The following TANC1 variants were observed in gnomAD, a reference collection of about 807,000 sequenced individuals.
TANC1 encodes the protein tetratricopeptide repeat, ankyrin repeat and coiled-coil containing 1, also known as protein TANC1.
A neutral mutation model predicts 149.7 loss-of-function variants in TANC1; 77 were observed. That is an observed-to-expected ratio of 0.51 (90% CI 0.43 to 0.62). TANC1 has a LOEUF of 0.62. Among genes scored for constraint, TANC1 ranks in the 20% least tolerant of loss-of-function variants. TANC1 has a pLI of 0.00. For synonymous variants in TANC1, 854 were observed against 925.0 expected (o/e 0.92, Z 1.39); for missense variants, 1,985 against 2,321.8 (o/e 0.85, Z 2.98).
At chr2:159,140,597 CT>C (rs2051249809) in intron 5 of TANC1, among the ~76,000 whole-genome samples, 1 of 151,900 alleles carries the variant, frequency 6.6e-6, no homozygotes, top group African/African-American at 2.4e-5. Context: ...GATTAGAGAC[CT>C]GTATATGGCG....
chr2:158,984,206 C>G (rs1278522783), intron 1 of TANC1, among the ~76,000 whole-genome samples: 1 of 152,162 alleles, frequency 6.6e-6, no homozygotes, highest in Non-Finnish European at 1.5e-5. Flanking sequence ...AAATGTTTTG[C>G]TTCAACAAAA....
In TANC1 at chr2:159,138,228, G is replaced by A. The variant is rs182925979; in HGVS notation, c.364+1930G>A. Among the ~76,000 whole-genome samples the A allele has an allele frequency of 1.5e-4, 23 of 152,198 alleles. 1 individual carries two copies. The highest frequency in any genetic ancestry group is 3.4e-3 in the Middle Eastern group (1 of 294). The stretch of plus-strand genomic sequence containing the variant: ...ATACAGGACCAGACATTTCGGTTTC[G>A]CCTGAAATTAAGAAGCAGGGTATGT... On this transcript the variant is annotated intron_variant, in intron 5 of 26. Coordinates refer to ENST00000263635, the MANE Select transcript of TANC1 (RefSeq NM_033394.3).
intron 2 of TANC1, among the ~76,000 whole-genome samples, chr2:159,057,210 C>T (rs1160055821): frequency 6.6e-6 from 1 of 152,220 alleles, no homozygotes; most frequent in Non-Finnish European, 1.5e-5. Flanking sequence ...CCACCATGCC[C>T]AGCCAGCTGT....
intron 2 of TANC1, among the ~76,000 whole-genome samples, chr2:159,024,750 C>CAAA (rs199510154): frequency 1.6e-4 from 19 of 119,030 alleles, no homozygotes; most frequent in African/African-American, 5.6e-4. Context: ...GACTTCATCT[C>CAAA]AAAAAAAAAA....
At chr2:159,173,711 G>A (rs1180687302) in intron 11 of TANC1, among the ~76,000 whole-genome samples, 1 of 152,196 alleles carries the variant, frequency 6.6e-6, no homozygotes, top group Non-Finnish European at 1.5e-5. Flanking sequence ...ATCTCATGAT[G>A]GTTTGCACAA....
chr2:159,017,747 A>G lies in TANC1; in HGVS notation c.-16+16558A>G, dbSNP rs1014554213. Among the ~76,000 whole-genome samples the G allele has an allele frequency of 5.9e-5, 9 of 152,128 alleles. No individual in the cohort carries two copies. The East Asian group carries it at 7.7e-4, about 13-fold the overall frequency. Reference sequence around the variant, plus strand: ...GGGGAAGGAGAGCATTAGGACAAATACCTAATGCACGCGGGACTTCAAACC... The same window carrying G: ...GGGGAAGGAGAGCATTAGGACAAATGCCTAATGCACGCGGGACTTCAAACC... On this transcript the variant is annotated intron_variant, in intron 2 of 26. Transcript: ENST00000263635.
At position 159,016,332 on chromosome 2, in the gene TANC1, A is replaced by G. The variant is rs112034993; in HGVS notation, c.-16+15143A>G. ...ATGGGGGAACGACCCCCATGATTCA[A>G]TTATCTCCCACTGAGTCTCTCCCAC... is the stretch of plus-strand genomic sequence containing the variant. On this transcript the variant is annotated intron_variant, in intron 2 of 26. Transcript: ENST00000263635. Among the ~76,000 whole-genome samples the G allele has an allele frequency of 4.6e-5, 7 of 152,332 alleles. 1 individual carries two copies. The highest frequency in any genetic ancestry group is 1.4e-4 in the African/African-American group (6 of 41,580).
At chr2:159,122,355 G>A (rs1257132943) in intron 4 of TANC1, among the ~76,000 whole-genome samples, 2 of 152,062 alleles carry the variant, frequency 1.3e-5, no homozygotes, top group Admixed American at 6.6e-5. Context: ...GTTTACCCAG[G>A]ATTTGAGACT....
At chr2:158,988,144 G>A (rs2035217558) in intron 1 of TANC1, among the ~76,000 whole-genome samples, 2 of 151,776 alleles carry the variant, frequency 1.3e-5, no homozygotes, top group African/African-American at 2.4e-5. Context: ...CCAACATGGT[G>A]AAACCCCCGT....
At chr2:159,057,381 G>T (rs865793629) in intron 2 of TANC1, among the ~76,000 whole-genome samples, 4 of 152,202 alleles carry the variant, frequency 2.6e-5, no homozygotes, top group South Asian at 4.1e-4. Context: ...TCTGTCAGTT[G>T]TACTTGCCTT....
At chr2:159,191,497 G>A (rs966802643) in intron 16 of TANC1, among the ~76,000 whole-genome samples, 1 of 152,118 alleles carries the variant, frequency 6.6e-6, no homozygotes. Context: ...AGACCATGAG[G>A]CCGGCCCTGC....
chr2:159,071,683 A>G (rs2043167191), intron 3 of TANC1, among the ~76,000 whole-genome samples: 1 of 152,216 alleles, frequency 6.6e-6, no homozygotes, highest in African/African-American at 2.4e-5. Context: ...CTCAATACAA[A>G]TGATGCTTTG....
chr2:159,137,050 A>G (rs2050840499), intron 5 of TANC1, among the ~76,000 whole-genome samples: 2 of 152,302 alleles, frequency 1.3e-5, no homozygotes, highest in African/African-American at 4.8e-5. Context: ...ACATGGGACT[A>G]GGAATCTTGC....
chr2:159,196,853 T>C (rs1214125708), intron 18 of TANC1, 60 bp downstream of exon 18: 2 of 1,486,102 alleles, frequency 1.3e-6, no homozygotes, highest in Admixed American at 2.2e-5. Flanking sequence ...GCAAGTCAGT[T>C]GACACACTGA....
chr2:159,076,225 T>C (rs2043659077), intron 3 of TANC1, among the ~76,000 whole-genome samples: 1 of 152,224 alleles, frequency 6.6e-6, no homozygotes. Context: ...AAATTTTCTA[T>C]ATGACTTATC....
At chr2:159,200,241 G>A (rs2058148414) in intron 19 of TANC1, among the ~76,000 whole-genome samples, 1 of 152,182 alleles carries the variant, frequency 6.6e-6, no homozygotes. Context: ...CCAAACCCCT[G>A]TTCTTTCATT....
chr2:159,082,082 G>T (rs903603906), intron 3 of TANC1, among the ~76,000 whole-genome samples: 2 of 152,236 alleles, frequency 1.3e-5, no homozygotes, highest in African/African-American at 4.8e-5. Context: ...CCATCTGGGG[G>T]TGCCCTGCTC....
intron 4 of TANC1, among the ~76,000 whole-genome samples, chr2:159,101,717 CT>C (rs1454348264): frequency 2.0e-5 from 3 of 152,104 alleles, no homozygotes; most frequent in Non-Finnish European, 4.4e-5. Context: ...AAGAGAAAAG[CT>C]CATTTCCTGT....
intron 4 of TANC1, among the ~76,000 whole-genome samples, chr2:159,115,460 G>A (rs928732036): frequency 2.6e-5 from 4 of 152,156 alleles, no homozygotes; most frequent in Non-Finnish European, 5.9e-5. Flanking sequence ...TCTTTAGGTT[G>A]TGGTGACCTG....
Sources: allele counts gnomAD v4.1 joint callset (sites outside exome capture counted in the v4.1 genomes callset), GRCh38; gene constraint gnomAD v4.1.1; transcripts MANE v1.5; gene names NCBI Gene and HGNC (gene_info 2026-07-23, HGNC 2026-07-21).